Variants in MANBA observed in about 807,000 individuals in gnomAD.
The protein encoded by MANBA is beta-mannosidase.
A neutral mutation model predicts 111.1 loss-of-function variants in MANBA; 83 were observed. The observed-to-expected ratio is 0.75, with a 90% CI of 0.63 to 0.90. The LOEUF (loss-of-function observed/expected upper bound fraction) is 0.90, where lower values mean the gene tolerates loss of function less well. Ranked by LOEUF, MANBA falls within the 40% of genes least tolerant of loss-of-function variation. The pLI is 0.00. For synonymous variants in MANBA, 370 were observed against 378.7 expected (o/e 0.98, Z 0.27); for missense variants, 1,036 against 1,069.0 (o/e 0.97, Z 0.43).
chr4:102,631,716 C>T lies in MANBA; in HGVS notation c.*341G>A, dbSNP rs1729383009. 1 of 543,568 alleles carries T rather than the reference C, an allele frequency of 1.8e-6. No individual in the cohort carries two copies. Among genetic ancestry groups the T allele is most frequent in the Non-Finnish European group, 3.2e-6 (1 of 309,592 alleles). The allele number at this position is 543,568 out of a possible 1,614,324, so 33.7% of individuals were successfully genotyped here. On this transcript the variant is annotated 3_prime_UTR_variant, in exon 17 of 17. Transcript: ENST00000647097. ...CACCTCAAAACCTTCCATTTGGTTC[C>T]ATAGATCCTGCCATGTCACATTCTT... is the stretch of plus-strand genomic sequence containing the variant.
At position 102,735,677 on chromosome 4, in the gene MANBA, T is replaced by A. The variant is rs1055633094; in HGVS notation, c.178-8994A>T. 7.9e-5 allele frequency among the ~76,000 whole-genome samples: 12 copies of A among 152,310 alleles called. No individual in the cohort carries two copies. The East Asian group carries it at 1.5e-3, about 20-fold the overall frequency. On this transcript the variant is annotated intron_variant, in intron 1 of 16. Transcript: ENST00000647097. The stretch of plus-strand genomic sequence containing the variant: ...ATTTATAGCAAACAGCAGCTCAGGG[T>A]TACCTCTCATGACTAAGGACCCATG...
At chr4:102,648,307 T>C (rs1730188393) in intron 13 of MANBA, among the ~76,000 whole-genome samples, 1 of 152,000 alleles carries the variant, frequency 6.6e-6, no homozygotes. Context: ...TAGCCAAAAA[T>C]TGGAATACGA....
At chr4:102,683,888 C>T (rs1162300898) in intron 7 of MANBA, among the ~76,000 whole-genome samples, 1 of 152,038 alleles carries the variant, frequency 6.6e-6, no homozygotes, top group Non-Finnish European at 1.5e-5. Flanking sequence ...TTGCTTAAAC[C>T]ATTTGCCCCA....
In MANBA at chr4:102,634,787, C is replaced by T. The variant is rs1284324018; in HGVS notation, c.2415+1G>A. 1.2e-6 allele frequency: 2 copies of T among 1,613,374 alleles called. No individual in the cohort carries two copies. Among genetic ancestry groups the T allele is most frequent in the South Asian group, 1.1e-5 (1 of 91,038 alleles). On this transcript the variant is annotated splice_donor_variant, in intron 16 of 16. Coordinates refer to ENST00000647097, the MANE Select transcript of MANBA (RefSeq NM_005908.4). LOFTEE classifies it high-confidence loss of function. ...TGCCCTCCGCCATGACCTGTGCTTA[C>T]AGTGATCTGCGCCTTGCAGAGCCCC...
At chr4:102,691,292 C>T (rs1264723655) in intron 5 of MANBA, among the ~76,000 whole-genome samples, 3 of 152,010 alleles carry the variant, frequency 2.0e-5, no homozygotes, top group Admixed American at 6.6e-5. Context: ...TTCCTGAGGA[C>T]TTTCTATGTG....
chr4:102,732,512 TACA>T (rs1723067006), intron 1 of MANBA, among the ~76,000 whole-genome samples: 1 of 152,210 alleles, frequency 6.6e-6, no homozygotes, highest in Admixed American at 6.5e-5. Flanking sequence ...TAAGAAGCAC[TACA>T]ACATCAGTGG....
intron 12 of MANBA, among the ~76,000 whole-genome samples, chr4:102,657,222 T>TTGGG (rs10629916): frequency 0.023 from 1,191 of 52,132 alleles, 69 homozygotes; most frequent in Admixed American, 0.045. Flanking sequence ...AGGAGTGGGG[T>TTGGG]GGGGGGGGGG....
At chr4:102,652,532 C>T (rs1399553866) in intron 12 of MANBA, among the ~76,000 whole-genome samples, 1 of 151,730 alleles carries the variant, frequency 6.6e-6, no homozygotes, top group African/African-American at 2.4e-5. Context: ...AATGGCCAGG[C>T]AAAGTTCTAA....
intron 1 of MANBA, chr4:102,727,660 A>G (rs1722862368): frequency 1.4e-6 from 2 of 1,440,356 alleles, no homozygotes; most frequent in Non-Finnish European, 9.8e-7. Flanking sequence ...GTCTTCTCTA[A>G]GTTGAACGCA....
chr4:102,736,860 A>T (rs1169575218), intron 1 of MANBA, among the ~76,000 whole-genome samples: 3 of 152,224 alleles, frequency 2.0e-5, no homozygotes, highest in Admixed American at 2.0e-4. Context: ...TTGCCACTGC[A>T]AATTCTGTGA....
At chr4:102,704,723 C>T (rs150147574) in intron 5 of MANBA, among the ~76,000 whole-genome samples, 3 of 151,402 alleles carry the variant, frequency 2.0e-5, no homozygotes, top group African/African-American at 7.3e-5. Flanking sequence ...CTGCTGTCTT[C>T]CAGATAAAAA....
chr4:102,701,017 G>A (rs227291), intron 5 of MANBA, among the ~76,000 whole-genome samples: 86,015 of 151,254 alleles, frequency 0.57, 26,012 homozygotes, highest in South Asian at 0.78. Context: ...GGTCACTCAG[G>A]ACTTGCTTTA....
chr4:102,755,485 G>A (rs1193468788), intron 1 of MANBA, among the ~76,000 whole-genome samples: 1 of 152,152 alleles, frequency 6.6e-6, no homozygotes, highest in Non-Finnish European at 1.5e-5. Context: ...ATGGATTAAA[G>A]ACTTAAATGT....
chr4:102,746,469 T>G (rs1723589351), intron 1 of MANBA, among the ~76,000 whole-genome samples: 1 of 152,188 alleles, frequency 6.6e-6, no homozygotes, highest in African/African-American at 2.4e-5. Flanking sequence ...TCATTTTTCT[T>G]TCATCACTTT....
chr4:102,657,730 T>G lies in MANBA; in HGVS notation c.1656A>C (p.Ala552=), dbSNP rs1453669632. 1 of 1,613,932 alleles carries G rather than the reference T, an allele frequency of 6.2e-7. No individual in the cohort carries two copies. The highest frequency in any genetic ancestry group is 1.7e-5 in the Admixed American group (1 of 60,004). ...GCCAGGACTGATATCCATATTCAGA[T>G]GCAAATCGAGCTTTTGGGAAAACTT... The part of the protein sequence containing the change: ...NWKVFPKARF[A]SEYGYQSWPS... The change falls in exon 12 of 17, where the codon GCA becomes GCC. Residue 552 remains alanine, a synonymous_variant. Coordinates refer to ENST00000647097, the MANE Select transcript of MANBA (RefSeq NM_005908.4).
Position 102,728,773 on chromosome 4 carries a change from G to C in MANBA, c.178-2090C>G, listed in dbSNP as rs529886354. On this transcript the variant is annotated intron_variant, in intron 1 of 16. Transcript: ENST00000647097. ...ACTTGGGCAGGACGTCAGAGGACTAGGACACCAGCCTCCCATCATGGGTCT... is the reference window on the plus strand; with the variant it reads ...ACTTGGGCAGGACGTCAGAGGACTACGACACCAGCCTCCCATCATGGGTCT... The C allele has an allele frequency of 1.4e-4, 126 of 928,648 alleles. 1 individual carries two copies. In the East Asian group the frequency reaches 3.3e-3, roughly 24 times the overall value. The allele number at this position is 928,648 out of a possible 1,614,324, so 57.5% of individuals were successfully genotyped here. A position where few individuals can be genotyped will look rare whatever the true frequency, so the allele number is the denominator to read the frequency against.
At chr4:102,755,949 G>A (rs1723993962) in intron 1 of MANBA, among the ~76,000 whole-genome samples, 1 of 152,202 alleles carries the variant, frequency 6.6e-6, no homozygotes, top group African/African-American at 2.4e-5. Context: ...AGTTAGAATG[G>A]TGATCATTAA....
chr4:102,697,804 G>A (rs1400465776), intron 5 of MANBA, among the ~76,000 whole-genome samples: 1 of 151,914 alleles, frequency 6.6e-6, no homozygotes, highest in Non-Finnish European at 1.5e-5. Context: ...TGTGAATAGT[G>A]CCACAATAAA....
chr4:102,703,389 C>T lies in MANBA; in HGVS notation c.673+11049G>A, dbSNP rs902623121. ...ACTAACTTTGGGAAGGAATTCAGTT[C>T]ATGGTTTGACTCTGAAACAAAATGG... On this transcript the variant is annotated intron_variant, in intron 5 of 16. Coordinates refer to ENST00000647097, the MANE Select transcript of MANBA (RefSeq NM_005908.4). 6.2e-4 allele frequency among the ~76,000 whole-genome samples: 94 copies of T among 152,316 alleles called. 1 individual carries two copies. The highest frequency in any genetic ancestry group is 2.2e-3 in the African/African-American group (91 of 41,574).
Sources: allele counts gnomAD v4.1 joint callset (sites outside exome capture counted in the v4.1 genomes callset), GRCh38; gene constraint gnomAD v4.1.1; transcripts MANE v1.5; gene names NCBI Gene and HGNC (gene_info 2026-07-23, HGNC 2026-07-21).